Variants in RANBP9 observed in about 807,000 individuals in gnomAD.
RANBP9 encodes the protein ran-binding protein 9.
Under a neutral mutation model 84.3 loss-of-function variants are expected in RANBP9, and 15 were observed. The ratio of observed to expected loss-of-function variants is 0.18; its 90% CI spans 0.12 to 0.27. The LOEUF (loss-of-function observed/expected upper bound fraction) is 0.27, where lower values mean the gene tolerates loss of function less well. RANBP9 is among the 10% of genes least tolerant of loss of function. The probability of loss-of-function intolerance (pLI) is 1.00; values close to 1 mark genes in which losing one functional copy is unlikely to be tolerated. For synonymous variants in RANBP9, 392 were observed against 349.6 expected (o/e 1.12, Z -1.35); for missense variants, 809 against 912.8 (o/e 0.89, Z 1.46).
intron 9 of RANBP9, among the ~76,000 whole-genome samples, chr6:13,638,609 G>A (rs1158923140): frequency 1.3e-5 from 2 of 152,124 alleles, no homozygotes; most frequent in African/African-American, 2.4e-5. Flanking sequence ...GGCAGGAGCA[G>A]TGCTTGAGGC....
At chr6:13,666,778 A>C (rs747309289) in intron 2 of RANBP9, among the ~76,000 whole-genome samples, 9 of 151,900 alleles carry the variant, frequency 5.9e-5, no homozygotes, top group East Asian at 3.9e-4. Context: ...ACAACAACAA[A>C]AAATTGTTAT....
At position 13,661,150 on chromosome 6, in the gene RANBP9, T is replaced by C. The variant is rs192202084; in HGVS notation, c.684-2318A>G. Among the ~76,000 whole-genome samples, 12 of 152,346 alleles carry C rather than the reference T, an allele frequency of 7.9e-5. No homozygotes were observed. In the East Asian group the frequency reaches 2.3e-3, roughly 29 times the overall value. ...TACTGATATCCCCTGTTGCCTAAGC[T>C]AGAGCTTATTTGACATTGTGGTGTA... On this transcript the variant is annotated intron_variant, in intron 2 of 13. Coordinates refer to ENST00000011619, the MANE Select transcript of RANBP9 (RefSeq NM_005493.3).
At chr6:13,674,686 C>T (rs1037576563) in intron 2 of RANBP9, among the ~76,000 whole-genome samples, 10 of 152,198 alleles carry the variant, frequency 6.6e-5, no homozygotes, top group Admixed American at 1.3e-4. Context: ...TGTGATCAAT[C>T]CAGCAGCTGA....
At position 13,621,766 on chromosome 6, in the gene RANBP9, A is replaced by AAAAC. The variant is rs1443970695; in HGVS notation, c.*592_*595dup. 2 of 152,670 alleles carry AAAAC rather than the reference A, an allele frequency of 1.3e-5. No homozygotes were observed. Among genetic ancestry groups the AAAAC allele is most frequent in the East Asian group, 3.8e-4 (2 of 5,204 alleles). The allele number at this position is 152,670 out of a possible 1,614,324, so 9.5% of individuals were successfully genotyped here. On this transcript the variant is annotated 3_prime_UTR_variant, in exon 14 of 14. Transcript: ENST00000011619. ...AAACAAAGTTGAAAAAGACCATGTT[A>AAAAC]AAACAAAACTACTGGGACTAACAGG...
intron 2 of RANBP9, among the ~76,000 whole-genome samples, chr6:13,662,043 C>G (rs996444100): frequency 3.3e-5 from 5 of 152,122 alleles, no homozygotes; most frequent in Non-Finnish European, 7.4e-5. Flanking sequence ...TTACTATACA[C>G]AGACTGTCAC....
intron 1 of RANBP9, among the ~76,000 whole-genome samples, chr6:13,705,875 A>AAAAAAAAAAAAAAAAAAAAAAG (rs1554107633): frequency 6.7e-6 from 1 of 150,072 alleles, no homozygotes; most frequent in African/African-American, 2.5e-5. Flanking sequence ...TCTCAAAAAA[A>AAAAAAAAAAAAAAAAAAAAAAG]AAAAAAAAAA....
In RANBP9 at chr6:13,621,905, T is replaced by C. The variant is rs1388531651; in HGVS notation, c.*457A>G. 1.3e-5 allele frequency: 2 copies of C among 152,862 alleles called. No homozygotes were observed. The highest frequency in any genetic ancestry group is 1.3e-4 in the Admixed American group (2 of 15,298). The allele number at this position is 152,862 out of a possible 1,614,324, so 9.5% of individuals were successfully genotyped here. A position where few individuals can be genotyped will look rare whatever the true frequency, so the allele number is the denominator to read the frequency against. On this transcript the variant is annotated 3_prime_UTR_variant, in exon 14 of 14. Coordinates refer to ENST00000011619, the MANE Select transcript of RANBP9 (RefSeq NM_005493.3). ...AACACTATAAATTCAAACTGTCGGATGTTTATGCATTTTGCAAGTTACACT... is the reference window on the plus strand; with the variant it reads ...AACACTATAAATTCAAACTGTCGGACGTTTATGCATTTTGCAAGTTACACT...
At chr6:13,704,335 G>T (rs138826028) in intron 1 of RANBP9, among the ~76,000 whole-genome samples, 15 of 152,176 alleles carry the variant, frequency 9.9e-5, no homozygotes, top group African/African-American at 3.4e-4. Context: ...ATTCCATAGG[G>T]CTCCTAACTG....
At chr6:13,648,057 A>C (rs1765211782) in intron 5 of RANBP9, among the ~76,000 whole-genome samples, 1 of 151,330 alleles carries the variant, frequency 6.6e-6, no homozygotes, top group Non-Finnish European at 1.5e-5. Context: ...GGCAACCACT[A>C]ATCTACTTTC....
At chr6:13,662,301 C>T (rs907988638) in intron 2 of RANBP9, among the ~76,000 whole-genome samples, 1 of 152,104 alleles carries the variant, frequency 6.6e-6, no homozygotes, top group African/African-American at 2.4e-5. Flanking sequence ...CAGGGAATGG[C>T]CCTGAGACAA....
chr6:13,635,714 T>C (rs1486527144), intron 10 of RANBP9, among the ~76,000 whole-genome samples: 1 of 151,566 alleles, frequency 6.6e-6, no homozygotes, highest in Non-Finnish European at 1.5e-5. Context: ...TTTATAATCT[T>C]AACAAACTTC....
chr6:13,657,102 T>A lies in RANBP9; in HGVS notation c.904+7A>T. The A allele has an allele frequency of 6.3e-7, 1 of 1,598,708 alleles. No individual in the cohort carries two copies. ...GTTATTTTGCATGCAATATATTATCTCAGTACCTAAACTATGTCCATTCTT... is the reference window on the plus strand; with the variant it reads ...GTTATTTTGCATGCAATATATTATCACAGTACCTAAACTATGTCCATTCTT... On this transcript the variant is annotated splice_region_variant and intron_variant, in intron 4 of 13. Transcript: ENST00000011619.
intron 5 of RANBP9, 133 bp from the exon 6 acceptor site, chr6:13,644,862 G>A (rs747025206): frequency 5.3e-6 from 4 of 753,970 alleles, no homozygotes; most frequent in East Asian, 3.0e-5. Context: ...AATATTAGAA[G>A]GCTAAAACAA....
At chr6:13,695,425 T>TTTAA (rs1400102611) in intron 2 of RANBP9, among the ~76,000 whole-genome samples, 1 of 146,584 alleles carries the variant, frequency 6.8e-6, no homozygotes, top group African/African-American at 2.5e-5. Context: ...TTTTTTTTTT[T>TTTAA]CAGAAAAAGA....
chr6:13,666,600 CAAAAAAAAAAAAAAAAAA>C (rs70989878), intron 2 of RANBP9, among the ~76,000 whole-genome samples: 2 of 43,670 alleles, frequency 4.6e-5, no homozygotes, highest in African/African-American at 1.5e-4. Context: ...CCCGTCTCTC[CAAAAAAAAAAAAAAAAAA>C]AAAAAAAAAA....
rs1372648507 is a variant in RANBP9, at chr6:13,711,087, A to C, written c.419T>G (p.Leu140Arg). ...AAPFPHGDSALNEQEKELQRR... is the reference protein window; with the variant it reads ...AAPFPHGDSARNEQEKELQRR... ...CTGCAACTCCTTCTCCTGCTCGTTC[A>C]GGGCCGAGTCCCCGTGAGGGAAGGG... The change falls in exon 1 of 14, where the codon CTG (leucine) becomes CGG (arginine). Residue 140 changes from leucine (L) to arginine (R), a missense_variant. Coordinates refer to ENST00000011619, the MANE Select transcript of RANBP9 (RefSeq NM_005493.3). 1 of 1,574,334 alleles carries C rather than the reference A, an allele frequency of 6.4e-7. No homozygotes were observed. The highest frequency in any genetic ancestry group is 8.6e-7 in the Non-Finnish European group (1 of 1,160,186).
intron 2 of RANBP9, among the ~76,000 whole-genome samples, chr6:13,668,136 A>G (rs1468538839): frequency 6.6e-6 from 1 of 152,112 alleles, no homozygotes; most frequent in African/African-American, 2.4e-5. Flanking sequence ...ACTAAACTAA[A>G]AAGGATCATA....
chr6:13,678,071 T>A (rs1765937770), intron 2 of RANBP9, among the ~76,000 whole-genome samples: 1 of 152,128 alleles, frequency 6.6e-6, no homozygotes, highest in Non-Finnish European at 1.5e-5. Context: ...TGAACAGTGA[T>A]CACGTCACTG....
intron 2 of RANBP9, among the ~76,000 whole-genome samples, chr6:13,665,010 AG>A (rs1369368442): frequency 6.6e-6 from 1 of 152,172 alleles, no homozygotes; most frequent in Non-Finnish European, 1.5e-5. Flanking sequence ...AGTCCAAAAG[AG>A]GATGGAAAGT....
Sources: allele counts gnomAD v4.1 joint callset (sites outside exome capture counted in the v4.1 genomes callset), GRCh38; gene constraint gnomAD v4.1.1; transcripts MANE v1.5; gene names NCBI Gene and HGNC (gene_info 2026-07-23, HGNC 2026-07-21).